The following KCNAB2 variants were observed in gnomAD, a reference collection of about 807,000 sequenced individuals.
The protein encoded by KCNAB2 is voltage-gated potassium channel subunit beta-2.
Under a neutral mutation model 63.6 loss-of-function variants are expected in KCNAB2, and 29 were observed. The observed-to-expected ratio is 0.46, with a 90% CI of 0.34 to 0.62. The LOEUF is 0.62. Among genes scored for constraint, KCNAB2 ranks in the 20% least tolerant of loss-of-function variants. KCNAB2 has a pLI of 0.01. For synonymous variants in KCNAB2, 222 were observed against 224.2 expected (o/e 0.99, Z 0.09); for missense variants, 359 against 563.9 (o/e 0.64, Z 3.68).
intron 1 of KCNAB2, among the ~76,000 whole-genome samples, chr1:6,022,777 A>C (rs1323830753): frequency 1.3e-5 from 2 of 151,866 alleles, no homozygotes; most frequent in East Asian, 3.8e-4. Flanking sequence ...CACCTAGCAG[A>C]ATGTTCTCGA....
At chr1:6,013,799 C>G (rs1658330017) in intron 1 of KCNAB2, among the ~76,000 whole-genome samples, 1 of 152,146 alleles carries the variant, frequency 6.6e-6, no homozygotes, top group Non-Finnish European at 1.5e-5. Flanking sequence ...CGACACCCAC[C>G]CCCTGCTGCT....
intron 2 of KCNAB2, among the ~76,000 whole-genome samples, chr1:6,054,677 TC>T (rs1296432955): frequency 6.6e-6 from 1 of 152,190 alleles, no homozygotes; most frequent in African/African-American, 2.4e-5. Context: ...TCTAGAGGTT[TC>T]CCATTGGTTA....
chr1:6,098,449 G>T, intron 15 of KCNAB2, 36 bp from the exon 16 acceptor site: 1 of 1,612,282 alleles, frequency 6.2e-7, no homozygotes, highest in Non-Finnish European at 8.5e-7. Context: ...CCGTCTTGTT[G>T]GTGGGATTCT....
intron 2 of KCNAB2, among the ~76,000 whole-genome samples, chr1:6,060,918 A>G (rs1251288012): frequency 1.3e-5 from 2 of 151,790 alleles, no homozygotes; most frequent in Non-Finnish European, 2.9e-5. Flanking sequence ...AAAAAAAAAA[A>G]AAAAGCCATA....
Position 6,046,065 on chromosome 1 carries a change from C to A in KCNAB2, c.-145C>A, listed in dbSNP as rs115235011. The stretch of plus-strand genomic sequence containing the variant: ...CATCTCATTCACCAATTGCTTCTGA[C>A]GTCCTGCAGTGACACTCCCTAATGA... On this transcript the variant is annotated 5_prime_UTR_variant, in exon 1 of 16. Transcript: ENST00000378083. The A allele has an allele frequency of 1.0e-6, 1 of 985,448 alleles. No individual in the cohort carries two copies. The allele number at this position is 985,448 out of a possible 1,614,324, so 61.0% of individuals were successfully genotyped here. A position where few individuals can be genotyped will look rare whatever the true frequency, so the allele number is the denominator to read the frequency against.
rs78618788 is a variant in KCNAB2 at position 6,065,040 on chromosome 1, G to A, written c.219-7715G>A. ...GGGCCATCTGTGTCATAACCATCAA[G>A]ACGCAGTGGCTTCTTCACATTTCTG... On this transcript the variant is annotated intron_variant, in intron 2 of 15. Transcript: ENST00000378083. 8.0e-3 allele frequency among the ~76,000 whole-genome samples: 1,212 copies of A among 152,320 alleles called. 16 individuals are homozygous for A. The highest frequency in any genetic ancestry group is 0.028 in the African/African-American group (1,166 of 41,566).
intron 1 of KCNAB2, chr1:6,040,439 C>G (rs1198600201): frequency 1.3e-6 from 1 of 773,866 alleles, no homozygotes; most frequent in African/African-American, 1.7e-5. Flanking sequence ...TTTGTGATCC[C>G]AGAGTCTCCC....
At chr1:6,009,685 C>T (rs114848131) in intron 1 of KCNAB2, among the ~76,000 whole-genome samples, 1,751 of 152,278 alleles carry the variant, frequency 0.011, 31 homozygotes, top group African/African-American at 0.039. Flanking sequence ...GAAGGCAACA[C>T]GCCTTCGAGG....
rs566086045 is a variant in KCNAB2, at chr1:6,054,042, T to TAAA, written c.218+2302_218+2304dup. Among the ~76,000 whole-genome samples, 11 of 137,608 alleles carry TAAA rather than the reference T, an allele frequency of 8.0e-5. No individual in the cohort carries two copies. The South Asian group carries it at 1.9e-3, about 24-fold the overall frequency. 90.3% of individuals were successfully genotyped at this position (137,608 alleles called of 152,430 possible). ...TGGGCGGCAGAGTGAGACCCTGTCT[T>TAAA]AAAAAAAAAAAAAAAAGAAGAAGAA... is the stretch of plus-strand genomic sequence containing the variant. On this transcript the variant is annotated intron_variant, in intron 2 of 15. Coordinates refer to ENST00000378083, the MANE Select transcript of KCNAB2 (RefSeq NM_001199862.2).
At chr1:6,090,314 C>G in intron 8 of KCNAB2, 75 bp from the exon 9 acceptor site, 1 of 1,037,494 alleles carries the variant, frequency 9.6e-7, no homozygotes, top group South Asian at 1.4e-5. Flanking sequence ...TTCCCTGAGC[C>G]GGGCATGGAT....
intron 1 of KCNAB2, among the ~76,000 whole-genome samples, chr1:6,012,208 AAGGCGG>A (rs1406919766): frequency 3.8e-4 from 51 of 132,650 alleles, no homozygotes; most frequent in Non-Finnish European, 6.7e-4. Context: ...GGAGGTGATG[AAGGCGG>A]AGGTGATGGG....
chr1:6,099,754 A>G lies in KCNAB2; in HGVS notation c.*1180A>G. On this transcript the variant is annotated 3_prime_UTR_variant, in exon 16 of 16. Coordinates refer to ENST00000378083, the MANE Select transcript of KCNAB2 (RefSeq NM_001199862.2). The stretch of plus-strand genomic sequence containing the variant: ...CACAATGTAGGAAAAGACCTCAGGG[A>G]ACCTCTCCCTGGAAAGACGGGCAGG... 1 of 1,456,884 alleles carries G rather than the reference A, an allele frequency of 6.9e-7. No individual in the cohort carries two copies. The highest frequency in any genetic ancestry group is 9.1e-7 in the Non-Finnish European group (1 of 1,103,264). The allele number at this position is 1,456,884 out of a possible 1,614,324, so 90.2% of individuals were successfully genotyped here.
rs907937546 is a variant in KCNAB2 at position 6,003,010 on chromosome 1, C to A, written c.-53+10222C>A. Among the ~76,000 whole-genome samples the A allele has an allele frequency of 6.6e-6, 1 of 152,236 alleles. No homozygotes were observed. The highest frequency in any genetic ancestry group is 6.5e-5 in the Admixed American group (1 of 15,286). On this transcript the variant is annotated intron_variant, in intron 1 of 16. Transcript: ENST00000341524. This position sits in a 1 kb window ranked among gnomAD's most constrained non-coding sequence, Gnocchi z 4.1. ...TCCCGGGTGAGAACAGGTCCTAGAC[C>A]TTGTCTCAGGTCACACAGCTACCAG...
chr1:6,002,270 A>T (rs991359274), intron 1 of KCNAB2, among the ~76,000 whole-genome samples: 1 of 152,224 alleles, frequency 6.6e-6, no homozygotes, highest in African/African-American at 2.4e-5. Context: ...ACACCAAGGG[A>T]TCCTCCCCAA....
intron 4 of KCNAB2, among the ~76,000 whole-genome samples, chr1:6,080,688 G>T (rs1571055686): frequency 6.6e-6 from 1 of 152,150 alleles, no homozygotes; most frequent in Admixed American, 6.5e-5. Flanking sequence ...TGCCTTTCTG[G>T]CTTCTCTTGA....
rs1665658781 is a variant in KCNAB2 at position 6,096,597 on chromosome 1, C to T, written c.949-39C>T. Reference sequence around the variant, plus strand: ...CACGTGGGGGTCCAGGTGACCTGCTCTCATCTGTAGCTGTGCTGCTCCCCT... The same window carrying T: ...CACGTGGGGGTCCAGGTGACCTGCTTTCATCTGTAGCTGTGCTGCTCCCCT... On this transcript the variant is annotated intron_variant, in intron 13 of 15. Transcript: ENST00000378083. This position sits in a 1 kb window ranked among gnomAD's most constrained non-coding sequence, Gnocchi z 5.9. 5 of 1,593,014 alleles carry T rather than the reference C, an allele frequency of 3.1e-6. No homozygotes were observed. The highest frequency in any genetic ancestry group is 3.4e-6 in the Non-Finnish European group (4 of 1,168,290).
At chr1:6,079,215 T>C (rs60615797) in intron 4 of KCNAB2, among the ~76,000 whole-genome samples, 2,915 of 149,936 alleles carry the variant, frequency 0.019, 91 homozygotes, top group African/African-American at 0.069. Context: ...ACCCACTCTC[T>C]CCTTGCCTGC....
intron 2 of KCNAB2, among the ~76,000 whole-genome samples, chr1:6,068,645 C>A (rs1662948804): frequency 6.6e-6 from 1 of 152,178 alleles, no homozygotes. Context: ...TCGGGCACCC[C>A]CGCCCCGGGC....
intron 1 of KCNAB2, among the ~76,000 whole-genome samples, chr1:5,996,578 G>A (rs569544458): frequency 3.3e-5 from 5 of 152,334 alleles, no homozygotes; most frequent in South Asian, 2.1e-4. Context: ...CGGCTTCCCC[G>A]GCACCTGTCT....
Sources: allele counts gnomAD v4.1 joint callset (sites outside exome capture counted in the v4.1 genomes callset), GRCh38; gene constraint gnomAD v4.1.1; non-coding constraint Gnocchi (gnomAD v3.1); transcripts MANE v1.5; gene names NCBI Gene and HGNC (gene_info 2026-07-23, HGNC 2026-07-21).